GKAP1: variants seen among roughly 807,000 people sequenced by gnomAD.
The protein encoded by GKAP1 is G kinase-anchoring protein 1.
In GKAP1, 31 loss-of-function variants were observed where a neutral mutation model predicts 56.7. The ratio of observed to expected loss-of-function variants is 0.55; its 90% CI spans 0.41 to 0.74. The LOEUF is 0.74. Among genes scored for constraint, GKAP1 ranks in the 30% least tolerant of loss-of-function variants. The pLI is 0.00. For missense variants in GKAP1, 364 were observed against 402.3 expected, an observed-to-expected ratio of 0.90 and a Z score of 0.82; for synonymous variants, 151 against 138.6, an observed-to-expected ratio of 1.09 and a Z score of -0.63.
intron 3 of GKAP1, among the ~76,000 whole-genome samples, chr9:83,800,615 C>T (rs1260402801): frequency 1.3e-5 from 2 of 152,100 alleles, no homozygotes; most frequent in African/African-American, 4.8e-5. Context: ...GGATTACAGG[C>T]GTGAGCCACC....
intron 2 of GKAP1, among the ~76,000 whole-genome samples, chr9:83,808,627 A>G (rs1433444514): frequency 1.3e-5 from 2 of 152,202 alleles, no homozygotes; most frequent in East Asian, 3.8e-4. Flanking sequence ...ATAAAATTTT[A>G]CTTTCTTGAG....
intron 2 of GKAP1, among the ~76,000 whole-genome samples, chr9:83,809,408 C>T (rs548608278): frequency 3.3e-5 from 5 of 152,316 alleles, no homozygotes; most frequent in African/African-American, 1.2e-4. Flanking sequence ...GGAGTTATGT[C>T]AACTATGAAA....
At chr9:83,769,108 G>A in intron 7 of GKAP1, 138 bp from the exon 8 acceptor site, 1 of 601,912 alleles carries the variant, frequency 1.7e-6, no homozygotes, top group Non-Finnish European at 2.8e-6. Flanking sequence ...AAAGAAAAAT[G>A]ACAGCTAAGA....
intron 2 of GKAP1, among the ~76,000 whole-genome samples, chr9:83,808,596 A>C (rs1448221066): frequency 6.6e-6 from 1 of 151,420 alleles, no homozygotes; most frequent in African/African-American, 2.4e-5. Flanking sequence ...ACTCTCTCTC[A>C]AAAAAAAATA....
chr9:83,769,908 G>A (rs1303573288), intron 7 of GKAP1, among the ~76,000 whole-genome samples: 2 of 152,216 alleles, frequency 1.3e-5, no homozygotes, highest in African/African-American at 2.4e-5. Context: ...GCCACCGGGT[G>A]TGAAGTGCTA....
intron 3 of GKAP1, among the ~76,000 whole-genome samples, chr9:83,801,270 G>C (rs1030160711): frequency 4.6e-5 from 7 of 152,138 alleles, no homozygotes; most frequent in Non-Finnish European, 7.4e-5. Context: ...GCTAGAAGAG[G>C]CATGGAAAGA....
chr9:83,761,854 A>G (rs1943577492), intron 8 of GKAP1, among the ~76,000 whole-genome samples: 2 of 152,224 alleles, frequency 1.3e-5, no homozygotes, highest in African/African-American at 4.8e-5. Context: ...AAAATTCAAC[A>G]TCGCTTCATG....
At chr9:83,789,158 G>A (rs1352687121) in intron 4 of GKAP1, 1 of 152,280 alleles carries the variant, frequency 6.6e-6, no homozygotes, top group African/African-American at 2.4e-5. Context: ...TATGCCAGGT[G>A]TTACAGAATA....
chr9:83,750,420 T>C (rs1000609549), intron 9 of GKAP1, among the ~76,000 whole-genome samples: 9 of 152,196 alleles, frequency 5.9e-5, no homozygotes, highest in Admixed American at 6.5e-5. Flanking sequence ...TAGTTCCCAT[T>C]CCCCAAATCA....
At chr9:83,768,741 A>G in intron 8 of GKAP1, 77 bp downstream of exon 8, 1 of 1,206,368 alleles carries the variant, frequency 8.3e-7, no homozygotes, top group East Asian at 2.4e-5. Flanking sequence ...ATTTGATTCT[A>G]CTGCTTACTT....
chr9:83,795,129 C>A (rs1203178638), intron 4 of GKAP1, among the ~76,000 whole-genome samples: 1 of 130,342 alleles, frequency 7.7e-6, no homozygotes, highest in Non-Finnish European at 1.5e-5. Flanking sequence ...GCACTCCAGT[C>A]TGGGCGACAA....
chr9:83,789,801 C>G (rs1944125213), intron 4 of GKAP1, among the ~76,000 whole-genome samples: 1 of 152,150 alleles, frequency 6.6e-6, no homozygotes. Flanking sequence ...TGATAACCCT[C>G]GAAAAATGAC....
chr9:83,811,965 C>A (rs1461443747), intron 2 of GKAP1, among the ~76,000 whole-genome samples: 1 of 151,160 alleles, frequency 6.6e-6, no homozygotes, highest in East Asian at 1.9e-4. Context: ...TCAAAAGGTA[C>A]AACGACCAGT....
At chr9:83,813,861 A>T (rs1040274486) in intron 2 of GKAP1, among the ~76,000 whole-genome samples, 1 of 152,180 alleles carries the variant, frequency 6.6e-6, no homozygotes, top group African/African-American at 2.4e-5. Context: ...GTACTTTGGA[A>T]GGGCTGAGGT....
chr9:83,745,192 G>C (rs967281135), intron 10 of GKAP1, among the ~76,000 whole-genome samples: 1 of 152,026 alleles, frequency 6.6e-6, no homozygotes, highest in Non-Finnish European at 1.5e-5. Context: ...CACCATGCCA[G>C]GATAATTTTT....
At chr9:83,790,601 G>A (rs1944138758) in intron 4 of GKAP1, among the ~76,000 whole-genome samples, 1 of 151,590 alleles carries the variant, frequency 6.6e-6, no homozygotes, top group Non-Finnish European at 1.5e-5. Flanking sequence ...TGGCCAACAT[G>A]GTGAAATACT....
At chr9:83,805,964 A>G (rs1944433519) in intron 3 of GKAP1, among the ~76,000 whole-genome samples, 1 of 152,110 alleles carries the variant, frequency 6.6e-6, no homozygotes, top group Non-Finnish European at 1.5e-5. Context: ...AAAAAACGCA[A>G]AAATTAGCCA....
chr9:83,785,320 G>A (rs1944045893), intron 5 of GKAP1, among the ~76,000 whole-genome samples: 1 of 152,038 alleles, frequency 6.6e-6, no homozygotes, highest in South Asian at 2.1e-4. Flanking sequence ...AAGCGTAGCG[G>A]TTGTTCACAT....
At chr9:83,779,444 T>TACACACACACACACACACACAC (rs1264892337) in intron 7 of GKAP1, among the ~76,000 whole-genome samples, 2 of 82,730 alleles carry the variant, frequency 2.4e-5, no homozygotes, top group East Asian at 6.4e-4. Context: ...TATATATATA[T>TACACACACACACACACACACAC]ATATACACAC....
Sources: gnomAD v4.1 joint callset for allele counts (sites outside exome capture counted in the v4.1 genomes callset) on GRCh38, gnomAD v4.1.1 for gene constraint, MANE v1.5 for transcripts, NCBI Gene and HGNC (gene_info 2026-07-23, HGNC 2026-07-21) for gene names.